Variants in NPRL3 observed in about 807,000 individuals in gnomAD.
NPRL3 encodes the protein NPR3 like, GATOR1 complex subunit.
NPRL3 carries 23 observed loss-of-function variants against 57.2 expected under a neutral mutation model. The observed-to-expected ratio is 0.40, with a 90% confidence interval of 0.29 to 0.57. The LOEUF (loss-of-function observed/expected upper bound fraction) is 0.57. Ranked by LOEUF, NPRL3 falls within the 20% of genes least tolerant of loss-of-function variation. The probability of loss-of-function intolerance (pLI) is 0.42; values close to 1 mark genes in which losing one functional copy is unlikely to be tolerated. For synonymous variants in NPRL3, 333 were observed against 321.1 expected (o/e 1.04, Z -0.39); for missense variants, 691 against 767.1 (o/e 0.90, Z 1.17).
At chr16:119,306 C>T (rs1366535886) in intron 3 of NPRL3, 51 bp from the exon 4 acceptor site, 2 of 1,543,038 alleles carry the variant, frequency 1.3e-6, no homozygotes, top group Non-Finnish European at 1.8e-6. Flanking sequence ...AATACCACAG[C>T]ACCATGCCCT....
intron 8 of NPRL3, 45 bp from the exon 9 acceptor site, chr16:98,346 C>T: frequency 6.2e-7 from 1 of 1,601,164 alleles, no homozygotes; most frequent in African/African-American, 1.3e-5. Flanking sequence ...GTGCAGGAAC[C>T]CTGCACCGGG....
intron 2 of NPRL3, among the ~76,000 whole-genome samples, chr16:131,251 G>T (rs140842956): frequency 6.6e-6 from 1 of 152,222 alleles, no homozygotes; most frequent in African/African-American, 2.4e-5. Context: ...AGGCCGAGGC[G>T]GGTGGATCAC....
At chr16:94,909 G>A (rs1898923616) in intron 9 of NPRL3, among the ~76,000 whole-genome samples, 1 of 152,070 alleles carries the variant, frequency 6.6e-6, no homozygotes, top group Non-Finnish European at 1.5e-5. Context: ...GTCCATTCTG[G>A]AAATTGAAAA....
chr16:103,169 G>A (rs561939865), intron 7 of NPRL3, among the ~76,000 whole-genome samples: 1 of 151,908 alleles, frequency 6.6e-6, no homozygotes, highest in South Asian at 2.1e-4. Context: ...TCTGAGACAA[G>A]GTCTCACTGT....
chr16:86,376 ACGCAC>A lies in NPRL3; in HGVS notation c.*324_*328del. On this transcript the variant is annotated 3_prime_UTR_variant, in exon 14 of 14. Coordinates refer to ENST00000611875, the MANE Select transcript of NPRL3 (RefSeq NM_001077350.3). The stretch of plus-strand genomic sequence containing the variant: ...TAGGGACAGAAGGAGGGTCTGAGAA[ACGCAC>A]AGCCCACATGGGCCTTGAAGGATGC... The A allele has an allele frequency of 8.0e-5, 24 of 298,188 alleles. No homozygotes were observed. Among genetic ancestry groups the A allele is most frequent in the South Asian group, 3.3e-4 (5 of 15,194 alleles). 18.5% of individuals were successfully genotyped at this position (298,188 alleles called of 1,614,324 possible). A position where few individuals can be genotyped will look rare whatever the true frequency, so the allele number is the denominator to read the frequency against.
intron 7 of NPRL3, among the ~76,000 whole-genome samples, chr16:110,001 G>A (rs543229286): frequency 0.019 from 1 of 54 alleles, no homozygotes; most frequent in South Asian, 0.17. Flanking sequence ...CACTGGCCGG[G>A]CGCGGTGCTC....
Position 101,340 on chromosome 16 carries a change from C to T in NPRL3, c.630-831G>A, listed in dbSNP as rs114296639. Among the ~76,000 whole-genome samples the T allele has an allele frequency of 4.7e-3, 718 of 152,342 alleles. 7 individuals carry two copies. The highest frequency in any genetic ancestry group is 0.016 in the African/African-American group (681 of 41,576). ...GAAGCACACAGTGCCCACCTCCCTG[C>T]AGTCTGCAGATGCCCACAGCACCTC... On this transcript the variant is annotated intron_variant, in intron 7 of 13. Coordinates refer to ENST00000611875, the MANE Select transcript of NPRL3 (RefSeq NM_001077350.3).
chr16:112,770 G>A lies in NPRL3; in HGVS notation c.399C>T (p.Asn133=), dbSNP rs748812702. The A allele has an allele frequency of 2.9e-5, 46 of 1,598,014 alleles. No homozygotes were observed. The highest frequency in any genetic ancestry group is 3.3e-4 in the Middle Eastern group (2 of 6,036). ...LFNVVFALRA[N]ADPSVINCLH... ...GACAGTTTATCACTGACGGGTCTGC[G>A]TTGGCCTGCAGGAGAGAGACCATAC... Residue 133 remains asparagine, a synonymous_variant, in exon 6 of 14, where the codon AAC becomes AAT. Transcript: ENST00000611875.
intron 2 of NPRL3, among the ~76,000 whole-genome samples, chr16:133,483 G>A (rs1432530939): frequency 1.3e-5 from 2 of 151,892 alleles, no homozygotes; most frequent in East Asian, 3.9e-4. Flanking sequence ...GCCCGCCTCG[G>A]CTTCCCAAAG....
intron 7 of NPRL3, 143 bp downstream of exon 7, chr16:110,382 C>A: frequency 1.8e-6 from 1 of 570,492 alleles, no homozygotes; most frequent in Admixed American, 2.8e-5. Context: ...TCCTCTCCGG[C>A]CCTAACCTCA....
chr16:123,400 ATCAGTCAC>A (rs1460583695), intron 3 of NPRL3: 10 of 455,342 alleles, frequency 2.2e-5, no homozygotes, highest in Middle Eastern at 3.3e-4. Flanking sequence ...TGTGTGCCTC[ATCAGTCAC>A]TCTTCAACAT....
intron 9 of NPRL3, among the ~76,000 whole-genome samples, chr16:93,805 C>A (rs1277950232): frequency 3.9e-5 from 6 of 152,224 alleles, no homozygotes; most frequent in Non-Finnish European, 5.9e-5. Context: ...TCGTGATCCA[C>A]CCACCTTGGC....
At position 85,965 on chromosome 16, in the gene NPRL3, G is replaced by A. The variant is rs1898449152; in HGVS notation, c.*740C>T. On this transcript the variant is annotated 3_prime_UTR_variant, in exon 14 of 14. Transcript: ENST00000611875. Reference sequence around the variant, plus strand: ...CGCCAGGCCCGGTGTGGATGCTGGGGAGAATCATCAGTGTGGGAGCCGAAA... The same window carrying A: ...CGCCAGGCCCGGTGTGGATGCTGGGAAGAATCATCAGTGTGGGAGCCGAAA... The A allele has an allele frequency of 7.4e-6, 5 of 671,210 alleles. No individual in the cohort carries two copies. The highest frequency in any genetic ancestry group is 1.1e-5 in the Non-Finnish European group (5 of 460,102). 41.6% of individuals were successfully genotyped at this position (671,210 alleles called of 1,614,324 possible). A position where few individuals can be genotyped will look rare whatever the true frequency, so the allele number is the denominator to read the frequency against.
At chr16:114,268 G>A (rs1171322416) in intron 5 of NPRL3, among the ~76,000 whole-genome samples, 1 of 152,148 alleles carries the variant, frequency 6.6e-6, no homozygotes, top group Admixed American at 6.5e-5. Context: ...GCACTCATGG[G>A]GTGTCCCAGC....
intron 10 of NPRL3, 82 bp downstream of exon 10, chr16:93,137 C>A: frequency 1.1e-6 from 1 of 926,468 alleles, no homozygotes; most frequent in Non-Finnish European, 1.7e-6. Flanking sequence ...CTGGCCAACA[C>A]AGAGAACAGC....
At position 90,025 on chromosome 16, in the gene NPRL3, G is replaced by A. The variant is rs1305158719; in HGVS notation, c.1162-123C>T. The A allele has an allele frequency of 4.3e-6, 4 of 934,976 alleles. No individual in the cohort carries two copies. In the African/African-American group the frequency reaches 5.2e-5, roughly 12 times the overall value. 57.9% of individuals were successfully genotyped at this position (934,976 alleles called of 1,614,324 possible). On this transcript the variant is annotated intron_variant, in intron 11 of 13. Transcript: ENST00000611875. ...CCCTGTGCTGACGCACAGGCAGAAAGGCCCTCTTCTCAGAAAGGGAGCCCC... is the reference window on the plus strand; with the variant it reads ...CCCTGTGCTGACGCACAGGCAGAAAAGCCCTCTTCTCAGAAAGGGAGCCCC...
intron 12 of NPRL3, 61 bp downstream of exon 12, chr16:89,652 T>A: frequency 7.1e-7 from 1 of 1,414,596 alleles, no homozygotes; most frequent in Non-Finnish European, 9.2e-7. Flanking sequence ...ACGTTGAGCC[T>A]CCTGGATGCC....
In NPRL3 at chr16:89,773, T is replaced by C; in HGVS notation, c.1291A>G (p.Thr431Ala). 1.2e-6 allele frequency: 2 copies of C among 1,600,348 alleles called. No individual in the cohort carries two copies. The highest frequency in any genetic ancestry group is 4.6e-5 in the East Asian group (2 of 43,886). Residue 431 changes from threonine (T) to alanine (A), a missense_variant, in exon 12 of 14, where the codon ACT becomes GCT. Thr to Ala is a moderately conservative substitution (Grantham distance 58, BLOSUM62 0). Coordinates refer to ENST00000611875, the MANE Select transcript of NPRL3 (RefSeq NM_001077350.3). The part of the protein sequence containing the change: ...PRPREDDVPF[T>A]ARVGGRSLST... ...AGGCTGCGACCGCCGACCCGGGCAGTGAAGGGGACGTCGTCCTCTCGCGGA... is the reference window on the plus strand; with the variant it reads ...AGGCTGCGACCGCCGACCCGGGCAGCGAAGGGGACGTCGTCCTCTCGCGGA...
intron 9 of NPRL3, among the ~76,000 whole-genome samples, chr16:96,447 T>C (rs926742232): frequency 1.3e-5 from 2 of 152,084 alleles, no homozygotes; most frequent in South Asian, 2.1e-4. Context: ...TCTTTTAAAA[T>C]TCTCTGTCTC....
Sources: allele counts gnomAD v4.1 joint callset (sites outside exome capture counted in the v4.1 genomes callset), GRCh38; gene constraint gnomAD v4.1.1; transcripts MANE v1.5; gene names NCBI Gene and HGNC (gene_info 2026-07-23, HGNC 2026-07-21).